PTPRT: variants seen among roughly 807,000 people sequenced by gnomAD.
PTPRT encodes the protein protein tyrosine phosphatase receptor type T.
In PTPRT, 56 loss-of-function variants were observed where a neutral mutation model predicts 176.8. The ratio of observed to expected loss-of-function variants is 0.32; its 90% CI spans 0.26 to 0.40. PTPRT has a LOEUF of 0.40. Among genes scored for constraint, PTPRT ranks in the 10% least tolerant of loss-of-function variants. The pLI is 1.00. For missense variants in PTPRT, 1,540 were observed against 1,908.2 expected, an observed-to-expected ratio of 0.81 and a Z score of 3.60; for synonymous variants, 783 against 739.0, an observed-to-expected ratio of 1.06 and a Z score of -0.96.
At chr20:42,178,743 G>A (rs1990397262) in intron 16 of PTPRT, among the ~76,000 whole-genome samples, 1 of 152,184 alleles carries the variant, frequency 6.6e-6, no homozygotes, top group East Asian at 1.9e-4. Flanking sequence ...GAGAATTCAA[G>A]TTAACTGATT....
chr20:43,003,684 G>GT (rs1189764663), intron 1 of PTPRT, among the ~76,000 whole-genome samples: 1 of 152,080 alleles, frequency 6.6e-6, no homozygotes, highest in Non-Finnish European at 1.5e-5. Flanking sequence ...TTTCCTGATG[G>GT]TTCAGGTTAC....
intron 6 of PTPRT, among the ~76,000 whole-genome samples, chr20:42,717,969 A>T (rs75039394): frequency 0.013 from 1,927 of 152,384 alleles, 42 homozygotes; most frequent in African/African-American, 0.044. Context: ...CTATCACCAC[A>T]TACCTACCAG....
intron 7 of PTPRT, among the ~76,000 whole-genome samples, chr20:42,544,801 C>G (rs1023830360): frequency 7.9e-5 from 12 of 152,152 alleles, no homozygotes; most frequent in Admixed American, 2.6e-4. Context: ...AGACATGGGT[C>G]TTCTTTTTTT....
intron 7 of PTPRT, among the ~76,000 whole-genome samples, chr20:42,547,137 C>T (rs971411594): frequency 1.3e-5 from 2 of 152,030 alleles, no homozygotes; most frequent in African/African-American, 2.4e-5. Flanking sequence ...TGCCTGTGTA[C>T]GCTTTTGTGT....
At chr20:42,924,911 A>C (rs1283448053) in intron 1 of PTPRT, among the ~76,000 whole-genome samples, 1 of 152,192 alleles carries the variant, frequency 6.6e-6, no homozygotes, top group East Asian at 1.9e-4. Flanking sequence ...ACTCTGATTC[A>C]ATAGTTCAGG....
intron 1 of PTPRT, among the ~76,000 whole-genome samples, chr20:43,184,962 T>C (rs1005300633): frequency 3.9e-5 from 6 of 152,222 alleles, no homozygotes; most frequent in African/African-American, 1.4e-4. Context: ...CTGAAACCCA[T>C]GATCCTAACC....
chr20:42,701,252 T>C (rs187218428), intron 6 of PTPRT, among the ~76,000 whole-genome samples: 6 of 152,306 alleles, frequency 3.9e-5, no homozygotes, highest in Admixed American at 3.9e-4. Flanking sequence ...CTGCTCATTC[T>C]GGAGAAAATC....
intron 2 of PTPRT, among the ~76,000 whole-genome samples, chr20:42,815,646 A>T (rs1274815062): frequency 6.6e-6 from 1 of 152,224 alleles, no homozygotes; most frequent in Admixed American, 6.5e-5. Context: ...AAGCAAAATG[A>T]TCACTGATAT....
At chr20:42,266,887 A>G (rs1318310550) in intron 13 of PTPRT, among the ~76,000 whole-genome samples, 1 of 152,200 alleles carries the variant, frequency 6.6e-6, no homozygotes. Context: ...GGTGTAACTG[A>G]GGAACTGAAT....
intron 13 of PTPRT, chr20:42,270,392 A>T (rs1344570517): frequency 1.6e-6 from 1 of 642,464 alleles, no homozygotes; most frequent in African/African-American, 1.9e-5. Context: ...GGCTCTGGTG[A>T]TCACCTGTGG....
intron 1 of PTPRT, among the ~76,000 whole-genome samples, chr20:43,055,903 C>T (rs1356957144): frequency 1.3e-5 from 2 of 152,198 alleles, no homozygotes; most frequent in Admixed American, 1.3e-4. Flanking sequence ...AAGAGACCAG[C>T]CCAGACTTAC....
At chr20:42,569,035 A>C in intron 7 of PTPRT, among the ~76,000 whole-genome samples, 1 of 121,020 alleles carries the variant, frequency 8.3e-6, no homozygotes, top group East Asian at 2.8e-4. Context: ...GCGACAGAGC[A>C]AGACTCCATC....
intron 2 of PTPRT, among the ~76,000 whole-genome samples, chr20:42,875,697 T>C (rs1399822851): frequency 1.3e-5 from 2 of 152,124 alleles, no homozygotes; most frequent in Admixed American, 6.5e-5. Flanking sequence ...TAAAAAGAGA[T>C]GGATGACAGA....
At chr20:42,129,277 C>T (rs1988014144) in intron 18 of PTPRT, among the ~76,000 whole-genome samples, 2 of 152,064 alleles carry the variant, frequency 1.3e-5, no homozygotes, top group African/African-American at 4.8e-5. Flanking sequence ...TTTCATTTGC[C>T]CCTTGGAGTA....
At chr20:43,121,101 G>C (rs1290991213) in intron 1 of PTPRT, among the ~76,000 whole-genome samples, 1 of 151,534 alleles carries the variant, frequency 6.6e-6, no homozygotes, top group Non-Finnish European at 1.5e-5. Flanking sequence ...CTCATTAATG[G>C]TATCATACGC....
At position 42,268,898 on chromosome 20, in the gene PTPRT, C is replaced by T. The variant is rs139226744; in HGVS notation, c.2176+13591G>A. On this transcript the variant is annotated intron_variant, in intron 13 of 30. Coordinates refer to ENST00000373187, the MANE Select transcript of PTPRT (RefSeq NM_007050.6). Reference sequence around the variant, plus strand: ...ACTCTCCAGCTGCTGTGGGTGCTGGCGCAAATGGCTCACAAATACCTCCCT... The same window carrying T: ...ACTCTCCAGCTGCTGTGGGTGCTGGTGCAAATGGCTCACAAATACCTCCCT... Among the ~76,000 whole-genome samples, 1,170 of 152,238 alleles carry T rather than the reference C, an allele frequency of 7.7e-3. 9 individuals are homozygous for T. Among genetic ancestry groups the T allele is most frequent in the Non-Finnish European group, 0.012 (812 of 68,018 alleles).
intron 2 of PTPRT, among the ~76,000 whole-genome samples, chr20:42,859,618 C>T (rs1325610116): frequency 7.1e-6 from 1 of 141,356 alleles, no homozygotes; most frequent in African/African-American, 2.7e-5. Context: ...GAGTCTCGCT[C>T]TGTCACCCAG....
At chr20:42,472,811 A>C (rs1180185959) in intron 7 of PTPRT, among the ~76,000 whole-genome samples, 1 of 152,250 alleles carries the variant, frequency 6.6e-6, no homozygotes, top group Non-Finnish European at 1.5e-5. Context: ...CATCTTAAAT[A>C]AATGTTAACC....
At chr20:43,019,617 CAAAAAA>C (rs539102745) in intron 1 of PTPRT, among the ~76,000 whole-genome samples, 3 of 56,118 alleles carry the variant, frequency 5.3e-5, no homozygotes, top group African/African-American at 1.0e-4. Context: ...GACACCGTCT[CAAAAAA>C]AAAAAAAAAA....
Sources: gnomAD v4.1 joint callset for allele counts (sites outside exome capture counted in the v4.1 genomes callset) on GRCh38, gnomAD v4.1.1 for gene constraint, MANE v1.5 for transcripts, NCBI Gene and HGNC (gene_info 2026-07-23, HGNC 2026-07-21) for gene names.